The following DPP6 variants were observed in gnomAD, a reference collection of about 807,000 sequenced individuals.
DPP6 encodes the protein dipeptidyl peptidase like 6, also known as A-type potassium channel modulatory protein DPP6.
A neutral mutation model predicts 122.6 loss-of-function variants in DPP6; 69 were observed. The observed-to-expected ratio is 0.56, with a 90% CI of 0.46 to 0.69. The LOEUF is 0.69. Ranked by LOEUF, DPP6 falls within the 30% of genes least tolerant of loss-of-function variation. The pLI is 0.00. For synonymous variants in DPP6, 418 were observed against 433.1 expected, an observed-to-expected ratio of 0.97 and a Z score of 0.43; for missense variants, 928 against 1,116.9, an observed-to-expected ratio of 0.83 and a Z score of 2.41.
At chr7:154,288,889 T>G (rs1465970759) in intron 1 of DPP6, among the ~76,000 whole-genome samples, 1 of 152,212 alleles carries the variant, frequency 6.6e-6, no homozygotes, top group Non-Finnish European at 1.5e-5. Context: ...AAGTTATACT[T>G]TAGCACAAAT....
At chr7:154,049,971 A>T (rs997366743), upstream of DPP6, among the ~76,000 whole-genome samples, 14 of 152,268 alleles carry the variant, frequency 9.2e-5, no homozygotes, top group African/African-American at 3.4e-4. Flanking sequence ...ATTTGGGTAA[A>T]GGGCGCTCCA....
intron 11 of DPP6, among the ~76,000 whole-genome samples, chr7:154,794,456 C>T (rs1032440810): frequency 6.6e-6 from 1 of 152,246 alleles, no homozygotes; most frequent in Non-Finnish European, 1.5e-5. Flanking sequence ...GGCACCTGGA[C>T]GCCGTCCGCA....
intron 1 of DPP6, among the ~76,000 whole-genome samples, chr7:154,203,451 C>A (rs1799275350): frequency 6.6e-6 from 1 of 152,176 alleles, no homozygotes; most frequent in Admixed American, 6.5e-5. Context: ...CTTCAGCCTC[C>A]TGACCTCTGC....
chr7:153,886,227 C>T (rs1016300702), upstream of DPP6, among the ~76,000 whole-genome samples: 8 of 152,094 alleles, frequency 5.3e-5, no homozygotes, highest in South Asian at 4.1e-4. Context: ...ATTTGACCAA[C>T]CTCTGCGCGC....
intron 2 of DPP6, among the ~76,000 whole-genome samples, chr7:154,455,494 T>TAAA (rs1820748765): frequency 6.6e-6 from 1 of 152,140 alleles, no homozygotes. Flanking sequence ...AAACAAATCT[T>TAAA]CTCCCTCCAA....
chr7:153,992,979 C>G (rs990820385), intron 1 of DPP6, among the ~76,000 whole-genome samples: 1 of 151,944 alleles, frequency 6.6e-6, no homozygotes, highest in African/African-American at 2.4e-5. Context: ...TAGCTCTCTC[C>G]CCCTACCTCC....
intron 1 of DPP6, among the ~76,000 whole-genome samples, chr7:154,217,204 A>G (rs1157576534): frequency 1.3e-5 from 2 of 152,180 alleles, no homozygotes; most frequent in Non-Finnish European, 2.9e-5. Context: ...CCTCATGACA[A>G]GGACAGTTTG....
At chr7:154,525,896 G>A (rs906872002) in intron 3 of DPP6, among the ~76,000 whole-genome samples, 11 of 151,922 alleles carry the variant, frequency 7.2e-5, no homozygotes, top group East Asian at 5.8e-4. Context: ...TTTCCTCACC[G>A]TCTCTATGTG....
At chr7:154,572,180 G>T (rs1037477532) in intron 5 of DPP6, among the ~76,000 whole-genome samples, 1 of 152,128 alleles carries the variant, frequency 6.6e-6, no homozygotes, top group Non-Finnish European at 1.5e-5. Context: ...TGCCATCGTG[G>T]TGAGTTGATA....
chr7:154,122,356 G>C (rs1807537884), intron 1 of DPP6, among the ~76,000 whole-genome samples: 2 of 152,142 alleles, frequency 1.3e-5, no homozygotes, highest in Admixed American at 1.3e-4. Flanking sequence ...AATCACACTG[G>C]AAAGAGAACC....
chr7:154,663,262 G>C (rs6968241), intron 6 of DPP6, among the ~76,000 whole-genome samples: 4 of 42,326 alleles, frequency 9.5e-5, no homozygotes, highest in East Asian at 9.3e-4. Flanking sequence ...CGTATTGGCC[G>C]TAGTGTTCAT....
chr7:154,488,255 G>A (rs1383598035), intron 3 of DPP6, among the ~76,000 whole-genome samples: 1 of 152,042 alleles, frequency 6.6e-6, no homozygotes, highest in Non-Finnish European at 1.5e-5. Context: ...TTGGGAGGCC[G>A]AGGCTGGCGG....
At chr7:153,787,831 C>T in the DPP6 span, among the ~76,000 whole-genome samples, 2 of 80,552 alleles carry the variant, frequency 2.5e-5, no homozygotes, top group Non-Finnish European at 2.5e-5. Flanking sequence ...TAGTGATTTA[C>T]AATTTCTTTT....
intron 1 of DPP6, among the ~76,000 whole-genome samples, chr7:153,906,520 G>T (rs1799857939): frequency 6.6e-6 from 1 of 152,148 alleles, no homozygotes; most frequent in Non-Finnish European, 1.5e-5. Flanking sequence ...GCATGATCTT[G>T]GCTCGCTGCA....
chr7:153,884,987 A>AAT (rs56329841), upstream of DPP6, among the ~76,000 whole-genome samples: 1,734 of 116,202 alleles, frequency 0.015, 9 homozygotes, highest in East Asian at 0.019. Context: ...TCAAAACAAA[A>AAT]ATATATATAT....
chr7:154,723,936 G>A (rs1841943258), intron 7 of DPP6, among the ~76,000 whole-genome samples: 1 of 152,196 alleles, frequency 6.6e-6, no homozygotes, highest in African/African-American at 2.4e-5. Context: ...AGAGTTTAGA[G>A]ACAGAAAACC....
At chr7:154,401,079 C>G (rs1349234890) in intron 1 of DPP6, among the ~76,000 whole-genome samples, 1 of 152,002 alleles carries the variant, frequency 6.6e-6, no homozygotes, top group Non-Finnish European at 1.5e-5. Flanking sequence ...CACCTGTAAT[C>G]CCAGCTACTC....
intron 1 of DPP6, among the ~76,000 whole-genome samples, chr7:154,259,546 G>C (rs907772694): frequency 3.3e-5 from 5 of 152,182 alleles, no homozygotes; most frequent in Admixed American, 6.5e-5. Context: ...GGAAGAGGTA[G>C]AGGACAGAGA....
At chr7:154,635,900 A>G (rs896548792) in intron 5 of DPP6, among the ~76,000 whole-genome samples, 29 of 152,218 alleles carry the variant, frequency 1.9e-4, no homozygotes, top group African/African-American at 6.5e-4. Context: ...GAAGGAAGCC[A>G]CGATACCTCT....
Sources: gnomAD v4.1 joint callset for allele counts (sites outside exome capture counted in the v4.1 genomes callset) on GRCh38, gnomAD v4.1.1 for gene constraint, MANE v1.5 for transcripts, NCBI Gene and HGNC (gene_info 2026-07-23, HGNC 2026-07-21) for gene names.